Variants in TRHDE observed in about 807,000 individuals in gnomAD.
The protein encoded by TRHDE is thyrotropin releasing hormone degrading enzyme.
Under a neutral mutation model 125.7 loss-of-function variants are expected in TRHDE, and 72 were observed. The ratio of observed to expected loss-of-function variants is 0.57; its 90% confidence interval spans 0.47 to 0.70. TRHDE has a LOEUF of 0.70. Ranked by LOEUF, TRHDE falls within the 30% of genes least tolerant of loss-of-function variation. The probability of loss-of-function intolerance (pLI) is 0.00; values close to 1 mark genes in which losing one functional copy is unlikely to be tolerated. For missense variants in TRHDE, 1,110 were observed against 1,327.1 expected (o/e 0.84, Z 2.54); for synonymous variants, 509 against 509.1 (o/e 1.00, Z 0.00).
intron 2 of TRHDE, among the ~76,000 whole-genome samples, chr12:72,294,153 T>C (rs1406166141): frequency 6.6e-6 from 1 of 152,194 alleles, no homozygotes; most frequent in Non-Finnish European, 1.5e-5. Context: ...CTGCAGCTCT[T>C]CTTTCCTTCT....
intron 12 of TRHDE, among the ~76,000 whole-genome samples, chr12:72,616,800 C>T (rs1345019217): frequency 6.6e-6 from 1 of 151,880 alleles, no homozygotes; most frequent in East Asian, 1.9e-4. Flanking sequence ...ATAATAATGT[C>T]TTCTAAATAA....
intron 2 of TRHDE, among the ~76,000 whole-genome samples, chr12:72,158,472 A>G (rs1285228411): frequency 1.3e-5 from 2 of 151,782 alleles, no homozygotes; most frequent in African/African-American, 4.8e-5. Context: ...GTCTTTCAGT[A>G]ATTCTCACCT....
At chr12:72,227,999 T>C (rs1269060361) in intron 2 of TRHDE, among the ~76,000 whole-genome samples, 2 of 152,214 alleles carry the variant, frequency 1.3e-5, no homozygotes, top group Non-Finnish European at 2.9e-5. Context: ...CTGGCTGCTT[T>C]CATGGGCTGG....
At chr12:72,570,631 C>A (rs1212629503) in intron 10 of TRHDE, among the ~76,000 whole-genome samples, 3 of 133,042 alleles carry the variant, frequency 2.3e-5, no homozygotes, top group African/African-American at 1.0e-4. Flanking sequence ...TTTCCTTGAC[C>A]AATAGCCACG....
At chr12:72,635,328 T>C (rs1428422558) in intron 15 of TRHDE, among the ~76,000 whole-genome samples, 1 of 152,238 alleles carries the variant, frequency 6.6e-6, no homozygotes, top group Admixed American at 6.5e-5. Flanking sequence ...TCATGTCCTT[T>C]GCCTACTTTT....
At chr12:72,552,507 A>T (rs1002870152) in intron 7 of TRHDE, among the ~76,000 whole-genome samples, 4 of 152,172 alleles carry the variant, frequency 2.6e-5, no homozygotes, top group African/African-American at 9.6e-5. Context: ...GGAGGAGCCC[A>T]TGGAGGTGAC....
At chr12:72,459,862 G>A (rs775821782) in intron 3 of TRHDE, among the ~76,000 whole-genome samples, 5 of 152,064 alleles carry the variant, frequency 3.3e-5, no homozygotes, top group Non-Finnish European at 7.4e-5. Context: ...AGGTGATCCT[G>A]TTGCCTCGGC....
At chr12:72,331,056 A>C (rs1869571581) in intron 2 of TRHDE, among the ~76,000 whole-genome samples, 1 of 152,350 alleles carries the variant, frequency 6.6e-6, no homozygotes, top group Middle Eastern at 3.4e-3. Context: ...AATAGTAACA[A>C]TAGCAAACAC....
intron 6 of TRHDE, among the ~76,000 whole-genome samples, chr12:72,519,778 T>A: frequency 6.6e-6 from 1 of 152,202 alleles, no homozygotes; most frequent in Non-Finnish European, 1.5e-5. Flanking sequence ...TGTGGTTTTA[T>A]CTACTTTTGG....
intron 2 of TRHDE, among the ~76,000 whole-genome samples, chr12:72,115,105 T>C (rs1875412278): frequency 1.3e-5 from 2 of 152,036 alleles, no homozygotes; most frequent in African/African-American, 4.8e-5. Flanking sequence ...GTTATACTCT[T>C]TAAGTTATTT....
Position 72,478,679 on chromosome 12 carries a change from T to C in TRHDE, c.1584+5499T>C, listed in dbSNP as rs150599759. Among the ~76,000 whole-genome samples, 845 of 152,174 alleles carry C rather than the reference T, an allele frequency of 5.6e-3. 5 individuals carry two copies. Among genetic ancestry groups the C allele is most frequent in the African/African-American group, 0.019 (803 of 41,540 alleles). On this transcript the variant is annotated intron_variant, in intron 5 of 18. Coordinates refer to ENST00000261180, the MANE Select transcript of TRHDE (RefSeq NM_013381.3). ...AAAGACAAAGAAACTACAAGGAGGA[T>C]ATAAGAGCAGCAATGAGAGCAGCAG...
At chr12:72,313,536 A>G (rs1029233097) in intron 2 of TRHDE, among the ~76,000 whole-genome samples, 1 of 152,246 alleles carries the variant, frequency 6.6e-6, no homozygotes, top group South Asian at 2.1e-4. Context: ...ATTTTTATAT[A>G]TATTTTTTCT....
chr12:72,372,815 A>G (rs1228297567), intron 2 of TRHDE, among the ~76,000 whole-genome samples: 1 of 152,206 alleles, frequency 6.6e-6, no homozygotes, highest in Admixed American at 6.5e-5. Flanking sequence ...GTTTGAAGTC[A>G]GGTAGCGTGA....
chr12:72,223,333 T>C (rs541308953), intron 2 of TRHDE, among the ~76,000 whole-genome samples: 14 of 152,238 alleles, frequency 9.2e-5, no homozygotes, highest in African/African-American at 3.4e-4. Context: ...TTATTTTTCC[T>C]GGTTTTACAA....
chr12:72,116,088 C>G (rs1875437278), intron 2 of TRHDE, among the ~76,000 whole-genome samples: 1 of 152,152 alleles, frequency 6.6e-6, no homozygotes, highest in Non-Finnish European at 1.5e-5. Context: ...TTAACTCCCA[C>G]TTATGAGTGA....
At chr12:72,203,381 T>C (rs1477783818) in intron 2 of TRHDE, among the ~76,000 whole-genome samples, 1 of 152,020 alleles carries the variant, frequency 6.6e-6, no homozygotes, top group Admixed American at 6.5e-5. Context: ...GGCAGGAGAA[T>C]GGCGTGAGCC....
chr12:72,218,371 CATAAAATACCAAA>C (rs1158291015), intron 2 of TRHDE, among the ~76,000 whole-genome samples: 1 of 152,122 alleles, frequency 6.6e-6, no homozygotes, highest in African/African-American at 2.4e-5. Flanking sequence ...CTTCTTCTGA[CATAAAATACCAAA>C]TACAATGGCC....
At chr12:72,404,687 G>A (rs1812643144) in intron 3 of TRHDE, among the ~76,000 whole-genome samples, 1 of 152,042 alleles carries the variant, frequency 6.6e-6, no homozygotes, top group African/African-American at 2.4e-5. Flanking sequence ...GCACAAGAAA[G>A]ACCTACCCTC....
At chr12:72,598,998 C>T (rs530031899) in intron 12 of TRHDE, among the ~76,000 whole-genome samples, 2 of 152,180 alleles carry the variant, frequency 1.3e-5, no homozygotes, top group Admixed American at 6.5e-5. Flanking sequence ...CTTTTCTGTT[C>T]CTGCATTAAT....
Sources: allele counts gnomAD v4.1 joint callset (sites outside exome capture counted in the v4.1 genomes callset), GRCh38; gene constraint gnomAD v4.1.1; transcripts MANE v1.5; gene names NCBI Gene and HGNC (gene_info 2026-07-23, HGNC 2026-07-21).